Variants in UGT2B7 observed in about 807,000 individuals in gnomAD.
UGT2B7 encodes UDP-glucuronosyltransferase 2B7.
UGT2B7 carries 51 observed loss-of-function variants against 51.9 expected under a neutral mutation model. That is an observed-to-expected ratio of 0.98 (90% CI 0.78 to 1.24). UGT2B7 has a LOEUF of 1.24. Ranked by LOEUF, UGT2B7 falls within the 50% of genes most tolerant of loss-of-function variation. UGT2B7 has a pLI of 0.00. For missense variants in UGT2B7, 727 were observed against 628.4 expected, an observed-to-expected ratio of 1.16 and a Z score of -1.68; for synonymous variants, 225 against 211.6, an observed-to-expected ratio of 1.06 and a Z score of -0.55.
intron 1 of UGT2B7, among the ~76,000 whole-genome samples, chr4:69,058,108 G>C (rs553327064): frequency 3.4e-4 from 52 of 152,224 alleles, no homozygotes; most frequent in Non-Finnish European, 7.3e-5. Flanking sequence ...TAAAGGGAAA[G>C]TCACAGGAGC....
At chr4:69,052,757 A>G (rs1718068434) in intron 1 of UGT2B7, among the ~76,000 whole-genome samples, 1 of 152,104 alleles carries the variant, frequency 6.6e-6, no homozygotes, top group Admixed American at 6.5e-5. Context: ...AAATTTATGC[A>G]AAAAGGTTTT....
intron 1 of UGT2B7, among the ~76,000 whole-genome samples, chr4:69,083,331 G>T (rs555467235): frequency 6.6e-6 from 1 of 152,020 alleles, no homozygotes; most frequent in Non-Finnish European, 1.5e-5. Flanking sequence ...TAATGCTATT[G>T]TTGTCTTAGA....
At chr4:69,101,338 A>T (rs1719412343) in intron 2 of UGT2B7, among the ~76,000 whole-genome samples, 2 of 152,002 alleles carry the variant, frequency 1.3e-5, no homozygotes, top group African/African-American at 4.8e-5. Context: ...GAAAAATTTT[A>T]TTTAAAAAAA....
intron 1 of UGT2B7, among the ~76,000 whole-genome samples, chr4:69,076,466 A>T (rs1324891216): frequency 6.6e-6 from 1 of 152,170 alleles, no homozygotes; most frequent in African/African-American, 2.4e-5. Context: ...CTTTTTAATG[A>T]TCACCATTCT....
In UGT2B7 at chr4:69,064,072, GA is replaced by G. The variant is rs1365685109; in HGVS notation, c.-159+12473del. On this transcript the variant is annotated intron_variant, in intron 1 of 5. Coordinates refer to the UGT2B7 transcript ENST00000502942. ...AGAAAGAAAGAAAGAAAGAAAGAAAGAAAGAAAGAAAGAAAGAAAGAAAGAG... is the reference window on the plus strand; with the variant it reads ...AGAAAGAAAGAAAGAAAGAAAGAAAGAAGAAAGAAAGAAAGAAAGAAAGAG... Among the ~76,000 whole-genome samples, 4 of 104,754 alleles carry G rather than the reference GA, an allele frequency of 3.8e-5. No homozygotes were observed. In the East Asian group the frequency reaches 9.0e-4, roughly 24 times the overall value. The allele number at this position is 104,754 out of a possible 152,430, so 68.7% of individuals were successfully genotyped here. A position where few individuals can be genotyped will look rare whatever the true frequency, so the allele number is the denominator to read the frequency against.
intron 1 of UGT2B7, among the ~76,000 whole-genome samples, chr4:69,086,234 ATC>A (rs1718953317): frequency 6.6e-6 from 1 of 151,712 alleles, no homozygotes; most frequent in Non-Finnish European, 1.5e-5. Flanking sequence ...AAAATAATTT[ATC>A]TATGGACTCA....
intron 2 of UGT2B7, among the ~76,000 whole-genome samples, chr4:69,101,750 A>T (rs1471992451): frequency 6.6e-6 from 1 of 152,192 alleles, no homozygotes; most frequent in African/African-American, 2.4e-5. Flanking sequence ...CAATCATTAA[A>T]TCTGAAAGTA....
chr4:69,058,752 G>A (rs1037487058), intron 1 of UGT2B7, among the ~76,000 whole-genome samples: 1 of 152,116 alleles, frequency 6.6e-6, no homozygotes, highest in Admixed American at 6.6e-5. Context: ...GTACATTAAC[G>A]GAGATCAGGA....
At chr4:69,080,625 G>T (rs11249523) in intron 1 of UGT2B7, among the ~76,000 whole-genome samples, 87,296 of 151,330 alleles carry the variant, frequency 0.58, 26,175 homozygotes, top group African/African-American at 0.71. Flanking sequence ...AAAATGAGAC[G>T]ATTAAAATTG....
At chr4:69,088,160 A>G (rs1263051051) in intron 1 of UGT2B7, among the ~76,000 whole-genome samples, 1 of 151,956 alleles carries the variant, frequency 6.6e-6, no homozygotes, top group Non-Finnish European at 1.5e-5. Flanking sequence ...TTGGGTAATT[A>G]CATATGTTTT....
chr4:69,097,449 CA>C (rs1719280377), intron 1 of UGT2B7, among the ~76,000 whole-genome samples: 1 of 152,016 alleles, frequency 6.6e-6, no homozygotes, highest in Non-Finnish European at 1.5e-5. Flanking sequence ...ATCACTCACA[CA>C]GAACACCCCA....
At position 69,112,832 on chromosome 4, in the gene UGT2B7, G is replaced by GAT; in HGVS notation, c.*97_*98insTA. The GAT allele has an allele frequency of 9.2e-7, 1 of 1,085,812 alleles. No individual in the cohort carries two copies. The highest frequency in any genetic ancestry group is 1.2e-6 in the Non-Finnish European group (1 of 858,982). 67.3% of individuals were successfully genotyped at this position (1,085,812 alleles called of 1,614,324 possible). A position where few individuals can be genotyped will look rare whatever the true frequency, so the allele number is the denominator to read the frequency against. ...TGTGATGCAAGATTTCTTTCTTCCT[G>GAT]AGACAAAAAAAAAAAAAGAAAAAAA... On this transcript the variant is annotated 3_prime_UTR_variant, in exon 6 of 6. Transcript: ENST00000305231.
At chr4:69,107,129 T>A (rs1436559447) in intron 3 of UGT2B7, 46 bp from the exon 4 acceptor site, 1 of 1,578,698 alleles carries the variant, frequency 6.3e-7, no homozygotes, top group Admixed American at 1.7e-5. Context: ...ATTCTATAAC[T>A]TTTGAATTCC....
intron 1 of UGT2B7, among the ~76,000 whole-genome samples, chr4:69,062,070 A>G (rs1041634132): frequency 6.6e-6 from 1 of 152,210 alleles, no homozygotes; most frequent in African/African-American, 2.4e-5. Flanking sequence ...ACTGTTAAAA[A>G]TAAAATGGAA....
At chr4:69,059,753 GA>G (rs1718301458) in intron 1 of UGT2B7, among the ~76,000 whole-genome samples, 1 of 152,174 alleles carries the variant, frequency 6.6e-6, no homozygotes, top group Non-Finnish European at 1.5e-5. Context: ...AGTCACCATG[GA>G]ACACCCCTCT....
chr4:69,067,302 T>A (rs1169052407), intron 1 of UGT2B7: 1 of 152,420 alleles, frequency 6.6e-6, no homozygotes, highest in African/African-American at 2.4e-5. Flanking sequence ...TAATTTGTTA[T>A]CTAGAGAACA....
chr4:69,103,148 T>A (rs1245124638), intron 3 of UGT2B7, among the ~76,000 whole-genome samples: 1 of 152,054 alleles, frequency 6.6e-6, no homozygotes, highest in Non-Finnish European at 1.5e-5. Flanking sequence ...TTCCCCTATG[T>A]AAATATGCTG....
rs1326264965 is a variant in UGT2B7, at chr4:69,077,917, G to T, written c.-158-11555G>T. On this transcript the variant is annotated intron_variant, in intron 1 of 5. Transcript: ENST00000502942. ...TCAGTATGATATGGGCTGTGGGTTTGTCATAAGAAGCTCTTATTATTTTGA... is the reference window on the plus strand; with the variant it reads ...TCAGTATGATATGGGCTGTGGGTTTTTCATAAGAAGCTCTTATTATTTTGA... Among the ~76,000 whole-genome samples the T allele has an allele frequency of 3.3e-5, 5 of 152,244 alleles. No homozygotes were observed. In the East Asian group the frequency reaches 5.8e-4, roughly 18 times the overall value.
intron 5 of UGT2B7, among the ~76,000 whole-genome samples, chr4:69,112,177 C>A (rs1719791063): frequency 6.6e-6 from 1 of 152,254 alleles, no homozygotes; most frequent in South Asian, 2.1e-4. Context: ...TTGTAAAAAT[C>A]CCTGTCCTGT....
Sources: gnomAD v4.1 joint callset for allele counts (sites outside exome capture counted in the v4.1 genomes callset) on GRCh38, gnomAD v4.1.1 for gene constraint, MANE v1.5 for transcripts, NCBI Gene and HGNC (gene_info 2026-07-23, HGNC 2026-07-21) for gene names.